Variants in PHF6 observed in about 807,000 individuals in gnomAD.
The protein encoded by PHF6 is PHD-like zinc finger protein.
In PHF6, 7 loss-of-function variants were observed where a neutral mutation model predicts 34.0. The ratio of observed to expected loss-of-function variants is 0.21; its 90% CI spans 0.12 to 0.39. PHF6 has a LOEUF of 0.39. PHF6 is among the 10% of genes least tolerant of loss of function. PHF6 has a pLI of 1.00. For missense variants in PHF6, 128 were observed against 262.8 expected (o/e 0.49, Z 3.55); for synonymous variants, 89 against 88.4 (o/e 1.01, Z -0.04).
At chrX:134,416,587 C>A (rs955655117) in intron 8 of PHF6, among the ~76,000 whole-genome samples, 1 of 111,559 alleles carries the variant, frequency 9.0e-6, no homozygotes, top group African/African-American at 3.3e-5. Context: ...TGTGAGAAGT[C>A]CTGCAATAAA....
intron 9 of PHF6, among the ~76,000 whole-genome samples, chrX:134,423,809 G>A (rs1602721712): frequency 9.0e-6 from 1 of 110,644 alleles, no homozygotes; most frequent in Non-Finnish European, 1.9e-5. Flanking sequence ...CCACAAGAGG[G>A]CATCCAGTGA....
chrX:134,417,072 T>C, intron 8 of PHF6, 97 bp from the exon 9 acceptor site: 1 of 930,444 alleles, frequency 1.1e-6, no homozygotes, highest in African/African-American at 1.9e-5. Flanking sequence ...ATTTCAGTTA[T>C]ATGCTATGTG....
At chrX:134,409,451 G>T (rs1443345928) in intron 5 of PHF6, among the ~76,000 whole-genome samples, 7 of 111,058 alleles carry the variant, frequency 6.3e-5, no homozygotes, top group Non-Finnish European at 1.3e-4. Context: ...ATACTCTTGT[G>T]TATTCTTTTT....
rs747189500 is a variant in PHF6 at position 134,375,827 on chromosome X, T to TA, written c.-46-1744dup. 8.0e-5 allele frequency among the ~76,000 whole-genome samples: 9 copies of TA among 112,384 alleles called. No homozygotes were observed. In the South Asian group the frequency reaches 1.8e-3, roughly 23 times the overall value. On this transcript the variant is annotated intron_variant, in intron 1 of 10. Coordinates refer to ENST00000370803, the MANE Select transcript of PHF6 (RefSeq NM_001015877.2). Reference sequence around the variant, plus strand: ...TCTTGATAAAGCAACCGAACACAGATACTTGCCTGAGCAAATGCAAACACA... The same window carrying TA: ...TCTTGATAAAGCAACCGAACACAGATAACTTGCCTGAGCAAATGCAAACACA...
At chrX:134,409,097 C>T (rs2077438254) in intron 5 of PHF6, among the ~76,000 whole-genome samples, 1 of 112,009 alleles carries the variant, frequency 8.9e-6, no homozygotes, top group Non-Finnish European at 1.9e-5. Flanking sequence ...CAGTCTTTTC[C>T]TTTAGGGCTT....
chrX:134,418,703 T>C (rs1477284485), intron 9 of PHF6: 1 of 112,085 alleles, frequency 8.9e-6, no homozygotes, highest in Non-Finnish European at 1.9e-5. Context: ...ATAATCCCAA[T>C]GTTATTTAAG....
At position 134,378,100 on chromosome X, in the gene PHF6, G is replaced by A. The variant is rs1160852520; in HGVS notation, c.234G>A (p.Thr78=). 11 of 1,173,093 alleles carry A rather than the reference G, an allele frequency of 9.4e-6. No individual in the cohort carries two copies. Among genetic ancestry groups the A allele is most frequent in the African/African-American group, 3.5e-5 (2 of 57,039 alleles). Residue 78 remains threonine (T), a synonymous_variant, in exon 3 of 11, where the codon ACG becomes ACA. Coordinates refer to ENST00000370803, the MANE Select transcript of PHF6 (RefSeq NM_001015877.2). ...TCCAAAAGGAAATTAAAAGAGGCAC[G>A]AAGCTGGTAAGTTGGTATTTCTGCC... ...EDVQKEIKRG[T]KLMCSLCHCP...
At chrX:134,388,314 CCTGCGTAAAGTAAG>C (rs2077340040) in intron 3 of PHF6, among the ~76,000 whole-genome samples, 4 of 111,796 alleles carry the variant, frequency 3.6e-5, no homozygotes, top group Admixed American at 1.9e-4. Flanking sequence ...AAGCCAAGCA[CCTGCGTAAAGTAAG>C]CTGCTTTCAC....
chrX:134,409,697 G>A (rs2077441384), intron 5 of PHF6, among the ~76,000 whole-genome samples: 1 of 108,039 alleles, frequency 9.3e-6, no homozygotes, highest in Non-Finnish European at 1.9e-5. Context: ...GCACGTGCAG[G>A]TTTGTTACCT....
chrX:134,413,779 T>C, intron 6 of PHF6, 44 bp from the exon 7 acceptor site: 3 of 1,207,111 alleles, frequency 2.5e-6, no homozygotes, highest in Non-Finnish European at 3.4e-6. Context: ...GATAGCATAT[T>C]TTCATGATTT....
intron 5 of PHF6, among the ~76,000 whole-genome samples, chrX:134,398,885 G>T (rs1347567725): frequency 1.8e-5 from 2 of 111,846 alleles, no homozygotes; most frequent in African/African-American, 3.2e-5. Context: ...CTTGTTCTCA[G>T]AATAGAGATC....
chrX:134,395,689 A>G (rs755495531), intron 5 of PHF6, among the ~76,000 whole-genome samples: 1 of 112,085 alleles, frequency 8.9e-6, no homozygotes, highest in East Asian at 2.8e-4. Flanking sequence ...TGGTATTCGC[A>G]TGTTAAAATT....
chrX:134,414,326 ATC>A (rs1264174086), intron 7 of PHF6, among the ~76,000 whole-genome samples: 1 of 111,873 alleles, frequency 8.9e-6, no homozygotes, highest in African/African-American at 3.2e-5. Context: ...CCTAATAATT[ATC>A]TCTGTTGTAC....
intron 3 of PHF6, among the ~76,000 whole-genome samples, chrX:134,389,990 GAATT>G (rs1269509468): frequency 9.8e-6 from 1 of 102,408 alleles, no homozygotes; most frequent in African/African-American, 3.7e-5. Flanking sequence ...TGTCTAGAAT[GAATT>G]GATTGATAAA....
rs1428973357 is a variant in PHF6, at chrX:134,425,728, G to A, written c.*68G>A. 1 of 185,301 alleles carries A rather than the reference G, an allele frequency of 5.4e-6. No individual in the cohort carries two copies. Among genetic ancestry groups the A allele is most frequent in the African/African-American group, 3.0e-5 (1 of 33,869 alleles). 15.3% of individuals were successfully genotyped at this position (185,301 alleles called of 1,213,427 possible). On this transcript the variant is annotated 3_prime_UTR_variant, in exon 11 of 11. Transcript: ENST00000370803. The stretch of plus-strand genomic sequence containing the variant: ...CCATAACTACTATTCTTTTTTCACT[G>A]TTTTCTAAAATCAAAAAGGGTTTGT...
chrX:134,390,966 C>CTTTTTTTTTTTCTTTTTTTTTTTTTTT (rs60513999), intron 3 of PHF6, among the ~76,000 whole-genome samples: 1 of 92,822 alleles, frequency 1.1e-5, no homozygotes, highest in East Asian at 3.4e-4. Flanking sequence ...TTCTTTTTTT[C>CTTTTTTTTTTTCTTTTTTTTTTTTTTT]TTTTTTTTTT....
At chrX:134,383,008 C>T (rs893994315) in intron 3 of PHF6, among the ~76,000 whole-genome samples, 3 of 109,915 alleles carry the variant, frequency 2.7e-5, no homozygotes, top group African/African-American at 9.9e-5. Flanking sequence ...TTTGGGAGGC[C>T]GACTGGGAGG....
At chrX:134,378,932 A>G (rs774683961) in intron 3 of PHF6, among the ~76,000 whole-genome samples, 2 of 112,054 alleles carry the variant, frequency 1.8e-5, no homozygotes, top group Non-Finnish European at 3.8e-5. Context: ...AATTAATGGG[A>G]AGATTTATTT....
intron 5 of PHF6, among the ~76,000 whole-genome samples, chrX:134,402,937 T>C (rs186563139): frequency 1.8e-5 from 2 of 112,123 alleles, no homozygotes; most frequent in Admixed American, 1.9e-4. Flanking sequence ...GTGAACTTAA[T>C]TGATAAATGT....
Sources: gnomAD v4.1 joint callset for allele counts (sites outside exome capture counted in the v4.1 genomes callset) on GRCh38, gnomAD v4.1.1 for gene constraint, MANE v1.5 for transcripts, NCBI Gene and HGNC (gene_info 2026-07-23, HGNC 2026-07-21) for gene names.